SLC30A10: variants seen among roughly 807,000 people sequenced by gnomAD.
SLC30A10 encodes calcium/manganese antiporter SLC30A10.
Under a neutral mutation model 21.7 loss-of-function variants are expected in SLC30A10, and 8 were observed. The observed-to-expected ratio is 0.37, with a 90% CI of 0.22 to 0.67. The LOEUF (loss-of-function observed/expected upper bound fraction) is 0.67. SLC30A10 is among the 30% of genes least tolerant of loss of function. The pLI, the probability that SLC30A10 is intolerant of heterozygous loss-of-function variation, is 0.58. For synonymous variants in SLC30A10, 272 were observed against 279.4 expected (o/e 0.97, Z 0.26); for missense variants, 521 against 642.5 (o/e 0.81, Z 2.04).
upstream of SLC30A10, among the ~76,000 whole-genome samples, chr1:219,931,043 G>T (rs1467612035): frequency 2.0e-5 from 3 of 152,198 alleles, no homozygotes; most frequent in Non-Finnish European, 4.4e-5. Context: ...AAACTGTAAA[G>T]CTTCTGAAAC....
chr1:219,946,159 G>A (rs144443311), intron 1 of SLC30A10, among the ~76,000 whole-genome samples: 1 of 152,132 alleles, frequency 6.6e-6, no homozygotes, highest in African/African-American at 2.4e-5. Flanking sequence ...AAAATTTGGG[G>A]CATTTTTATA....
Position 219,915,046 on chromosome 1 carries a change from TTCAATGTATTTA to T in SLC30A10, c.*391_*402del, listed in dbSNP as rs1659500578. The T allele has an allele frequency of 6.2e-6, 1 of 161,702 alleles. No homozygotes were observed. The highest frequency in any genetic ancestry group is 2.4e-5 in the African/African-American group (1 of 41,688). 10.0% of individuals were successfully genotyped at this position (161,702 alleles called of 1,614,324 possible). On this transcript the variant is annotated 3_prime_UTR_variant, in exon 4 of 4. Coordinates refer to ENST00000366926, the MANE Select transcript of SLC30A10 (RefSeq NM_018713.3). ...ACAGCTATTGTGGTACTTTAGTTTT[TTCAATGTATTTA>T]AGCTATGATCTCACCTGAGCATTAG...
At chr1:219,939,016 T>C (rs754367670) in intron 1 of SLC30A10, among the ~76,000 whole-genome samples, 2 of 152,224 alleles carry the variant, frequency 1.3e-5, no homozygotes, top group Non-Finnish European at 2.9e-5. Flanking sequence ...TTTTATTACA[T>C]GCTGCAGTAT....
At chr1:219,947,787 A>G (rs1050524007) in intron 1 of SLC30A10, among the ~76,000 whole-genome samples, 5 of 152,240 alleles carry the variant, frequency 3.3e-5, no homozygotes, top group African/African-American at 9.6e-5. Flanking sequence ...CCAAGATCAC[A>G]CCATTGCACT....
In SLC30A10 at chr1:219,928,375, G is replaced by C. The variant is rs747984224; in HGVS notation, c.66C>G (p.Phe22Leu). The change falls in exon 1 of 4, where the codon TTC becomes TTG. Residue 22 changes from phenylalanine to leucine, a missense_variant. Transcript: ENST00000366926. This position sits in a 1 kb window ranked among gnomAD's most constrained non-coding sequence, Gnocchi z 6.3. Reference sequence around the variant, plus strand: ...GGTAGCCGGAGACCAGCTCCGCCACGAAGAAGGCGACGGTGAGCACCAGCA... The same window carrying C: ...GGTAGCCGGAGACCAGCTCCGCCACCAAGAAGGCGACGGTGAGCACCAGCA... ...LFMLVLTVAF[F>L]VAELVSGYLG... 43 of 1,613,304 alleles carry C rather than the reference G, an allele frequency of 2.7e-5. No homozygotes were observed. Among genetic ancestry groups the C allele is most frequent in the Non-Finnish European group, 3.5e-5 (41 of 1,179,718 alleles).
chr1:219,931,839 T>G (rs1320514251), upstream of SLC30A10, among the ~76,000 whole-genome samples: 1 of 152,164 alleles, frequency 6.6e-6, no homozygotes, highest in African/African-American at 2.4e-5. Context: ...TATTGATCTC[T>G]TACTCTGCCC....
rs1659400686 is a variant in SLC30A10 at position 219,911,148 on chromosome 1, A to AGTTTTTTTTTTT, written c.*4289_*4300dup. The stretch of plus-strand genomic sequence containing the variant: ...CATGTTTCTTCATTTTTTCTACATC[A>AGTTTTTTTTTTT]GTTTTTTTTTTTTTTTTTTTTTTTT... On this transcript the variant is annotated 3_prime_UTR_variant, in exon 4 of 4. Transcript: ENST00000366926. Among the ~76,000 whole-genome samples the AGTTTTTTTTTTT allele has an allele frequency of 3.1e-4, 12 of 38,578 alleles. No individual in the cohort carries two copies. Among genetic ancestry groups the AGTTTTTTTTTTT allele is most frequent in the Non-Finnish European group, 3.8e-4 (9 of 23,688 alleles). The allele number at this position is 38,578 out of a possible 152,430, so 25.3% of individuals were successfully genotyped here.
At chr1:219,928,689 T>C (rs1558255130), upstream of SLC30A10, 3 of 420,880 alleles carry the variant, frequency 7.1e-6, no homozygotes, top group Non-Finnish European at 1.2e-5. This position sits in a 1 kb window ranked among gnomAD's most constrained non-coding sequence, Gnocchi z 6.3. Flanking sequence ...GCGGCCCTTT[T>C]CCCCTCCCTC....
Position 219,918,598 on chromosome 1 carries a change from GT to G in SLC30A10, c.719-105del, listed in dbSNP as rs1659604822. On this transcript the variant is annotated intron_variant, in intron 2 of 3. Transcript: ENST00000366926. This position sits in a 1 kb window ranked among gnomAD's most constrained non-coding sequence, Gnocchi z 4.4. ...ATATGAATATCTGTTACCATTTGGA[GT>G]TTTTTGGTTTTTGTTTTGGTTAGAA... is the stretch of plus-strand genomic sequence containing the variant. 3.4e-6 allele frequency: 5 copies of G among 1,453,198 alleles called. No individual in the cohort carries two copies. The highest frequency in any genetic ancestry group is 2.7e-6 in the Non-Finnish European group (3 of 1,095,820). The allele number at this position is 1,453,198 out of a possible 1,614,324, so 90.0% of individuals were successfully genotyped here.
intron 1 of SLC30A10, among the ~76,000 whole-genome samples, chr1:219,927,559 G>C (rs1364435933): frequency 1.4e-5 from 2 of 144,896 alleles, no homozygotes; most frequent in Non-Finnish European, 1.5e-5. Flanking sequence ...CGAGGATCCA[G>C]GAGAAAAAAG....
chr1:219,915,274 C>T lies in SLC30A10; in HGVS notation c.*175G>A. ...CAGGGGAATGGAAAGGAGTTAGTTA[C>T]ATAAAAATTCACAGACACGTTTAAC... On this transcript the variant is annotated 3_prime_UTR_variant, in exon 4 of 4. Coordinates refer to ENST00000366926, the MANE Select transcript of SLC30A10 (RefSeq NM_018713.3). 4.1e-6 allele frequency: 3 copies of T among 730,030 alleles called. No homozygotes were observed. The highest frequency in any genetic ancestry group is 1.8e-5 in the South Asian group (1 of 56,424). 45.2% of individuals were successfully genotyped at this position (730,030 alleles called of 1,614,324 possible). A position where few individuals can be genotyped will look rare whatever the true frequency, so the allele number is the denominator to read the frequency against.
chr1:219,917,321 A>G lies in SLC30A10; in HGVS notation c.958+934T>C, dbSNP rs148494447. Among the ~76,000 whole-genome samples, 102 of 152,182 alleles carry G rather than the reference A, an allele frequency of 6.7e-4. 1 individual carries two copies. Among genetic ancestry groups the G allele is most frequent in the African/African-American group, 2.3e-3 (96 of 41,524 alleles). ...TTTTTAAAAATATCTGTTTTTAAAT[A>G]TATTACTTTACTAAAAACATATCCA... On this transcript the variant is annotated intron_variant, in intron 3 of 3. Transcript: ENST00000366926.
chr1:219,918,324 G>A lies in SLC30A10; in HGVS notation c.889C>T (p.Pro297Ser). 6.2e-7 allele frequency: 1 copy of A among 1,614,082 alleles called. No individual in the cohort carries two copies. The highest frequency in any genetic ancestry group is 8.5e-7 in the Non-Finnish European group (1 of 1,180,030). Reference sequence around the variant, plus strand: ...ATGGCAGCGGTCTCCTTGATAAGCGGGAAGGCAGATGACAAAATGATGATG... The same window carrying A: ...ATGGCAGCGGTCTCCTTGATAAGCGAGAAGGCAGATGACAAAATGATGATG... ...MVIIILSSAF[P>S]LIKETAAILL... The change falls in exon 3 of 4, where the codon CCG becomes TCG. Residue 297 changes from proline (P) to serine (S), a missense_variant. Coordinates refer to ENST00000366926, the MANE Select transcript of SLC30A10 (RefSeq NM_018713.3). The surrounding 1 kb of genome is among the most constrained non-coding windows in gnomAD (Gnocchi z 4.4).
intron 1 of SLC30A10, among the ~76,000 whole-genome samples, chr1:219,956,325 G>A (rs1361618839): frequency 3.3e-5 from 5 of 152,048 alleles, no homozygotes; most frequent in Non-Finnish European, 7.4e-5. Context: ...ATGAGCTGCT[G>A]TACACAGCCT....
chr1:219,937,294 C>T (rs775044472), intron 1 of SLC30A10, among the ~76,000 whole-genome samples: 5 of 152,158 alleles, frequency 3.3e-5, no homozygotes, highest in Admixed American at 1.3e-4. Flanking sequence ...TGATATTTAG[C>T]AACTTCTCCA....
chr1:219,930,480 C>T (rs1390375591), upstream of SLC30A10, among the ~76,000 whole-genome samples: 1 of 152,014 alleles, frequency 6.6e-6, no homozygotes, highest in Non-Finnish European at 1.5e-5. Context: ...CTCAACCCCA[C>T]CTCCCCCCAA....
chr1:219,916,778 C>A (rs543762729), intron 3 of SLC30A10, among the ~76,000 whole-genome samples: 4 of 152,232 alleles, frequency 2.6e-5, no homozygotes, highest in African/African-American at 9.6e-5. Flanking sequence ...AACTGCATGA[C>A]GTTAGGCAAT....
intron 1 of SLC30A10, among the ~76,000 whole-genome samples, chr1:219,957,991 C>T (rs1421848175): frequency 5.3e-5 from 8 of 152,106 alleles, no homozygotes. Context: ...GCAAATTTTC[C>T]TTTCAAAAAC....
chr1:219,927,844 TTCCACCGAGG>T lies in SLC30A10; in HGVS notation c.587_596del (p.Thr196LysfsTer14). ...CGGTCGCCCCCTTCTCCCGCTTCCT[TTCCACCGAGG>T]TCCCCCGGAGGGTTACGGCCGAGTC... is the stretch of plus-strand genomic sequence containing the variant. On this transcript the variant is annotated frameshift_variant, in exon 1 of 4. Transcript: ENST00000366926. LOFTEE classifies it high-confidence loss of function. 1 of 1,548,034 alleles carries T rather than the reference TTCCACCGAGG, an allele frequency of 6.5e-7. No homozygotes were observed. Among genetic ancestry groups the T allele is most frequent in the Non-Finnish European group, 8.7e-7 (1 of 1,147,308 alleles).
Sources: allele counts gnomAD v4.1 joint callset (sites outside exome capture counted in the v4.1 genomes callset), GRCh38; gene constraint gnomAD v4.1.1; non-coding constraint Gnocchi (gnomAD v3.1); transcripts MANE v1.5; gene names NCBI Gene and HGNC (gene_info 2026-07-23, HGNC 2026-07-21).